The following NAALADL2 variants were observed in gnomAD, a reference collection of about 807,000 sequenced individuals.
NAALADL2 encodes the protein inactive N-acetylated-alpha-linked acidic dipeptidase-like protein 2.
In NAALADL2, 76 loss-of-function variants were observed where a neutral mutation model predicts 87.2. That is an observed-to-expected ratio of 0.87 (90% CI 0.72 to 1.05). The LOEUF is 1.05. Ranked by LOEUF, NAALADL2 falls within the 50% of genes least tolerant of loss-of-function variation. NAALADL2 has a pLI of 0.00. For missense variants in NAALADL2, 1,089 were observed against 945.8 expected (o/e 1.15, Z -1.99); for synonymous variants, 354 against 331.0 (o/e 1.07, Z -0.75).
chr3:174,489,222 A>G (rs951272368), intron 1 of NAALADL2, among the ~76,000 whole-genome samples: 3 of 152,028 alleles, frequency 2.0e-5, no homozygotes, highest in African/African-American at 4.8e-5. Flanking sequence ...AATGGTGCCA[A>G]AACAATTTAA....
intron 1 of NAALADL2, among the ~76,000 whole-genome samples, chr3:175,058,526 G>T (rs532238254): frequency 6.6e-6 from 1 of 152,216 alleles, no homozygotes; most frequent in Non-Finnish European, 1.5e-5. Context: ...CATCCATGAG[G>T]TGTCATAATT....
chr3:174,662,642 A>G (rs996951152), intron 2 of NAALADL2, among the ~76,000 whole-genome samples: 3 of 152,216 alleles, frequency 2.0e-5, no homozygotes, highest in Non-Finnish European at 4.4e-5. Context: ...CTTTGACGTG[A>G]TGAGATGGTC....
At chr3:174,975,666 T>G (rs1744271996) in intron 1 of NAALADL2, among the ~76,000 whole-genome samples, 1 of 152,076 alleles carries the variant, frequency 6.6e-6, no homozygotes, top group Non-Finnish European at 1.5e-5. Flanking sequence ...TGTGATTGTA[T>G]TATATTACCT....
At chr3:175,034,129 C>G (rs183446059) in intron 1 of NAALADL2, among the ~76,000 whole-genome samples, 1 of 152,044 alleles carries the variant, frequency 6.6e-6, no homozygotes, top group Admixed American at 6.5e-5. Context: ...TTTTCCTTTT[C>G]AAGTATGTTT....
chr3:174,980,648 T>C (rs1452491542), intron 1 of NAALADL2, among the ~76,000 whole-genome samples: 2 of 152,192 alleles, frequency 1.3e-5, no homozygotes, highest in Admixed American at 1.3e-4. Flanking sequence ...TACTAATTAA[T>C]GTTTATGCTA....
At chr3:175,692,173 A>AC (rs1737135966) in intron 11 of NAALADL2, among the ~76,000 whole-genome samples, 1 of 151,790 alleles carries the variant, frequency 6.6e-6, no homozygotes, top group Admixed American at 6.6e-5. Context: ...TCTGGGACTT[A>AC]CCTATGTTCA....
intron 4 of NAALADL2, among the ~76,000 whole-genome samples, chr3:175,276,327 G>T (rs530664372): frequency 1.5e-5 from 2 of 132,340 alleles, no homozygotes; most frequent in South Asian, 2.3e-4. Flanking sequence ...TTGAGACGAA[G>T]CCTCGCTCTG....
intron 1 of NAALADL2, among the ~76,000 whole-genome samples, chr3:174,987,668 C>T (rs1177986286): frequency 6.8e-6 from 1 of 146,276 alleles, no homozygotes; most frequent in African/African-American, 2.5e-5. Context: ...CACTCTGTCA[C>T]CAGTCTGGAG....
At chr3:175,627,459 C>T (rs1303355228) in intron 11 of NAALADL2, 73 bp downstream of exon 11, 1 of 928,846 alleles carries the variant, frequency 1.1e-6, no homozygotes, top group Non-Finnish European at 1.6e-6. Flanking sequence ...AGCAAAGGAA[C>T]ATAACCAATC....
chr3:175,116,169 G>T (rs1047814745), intron 2 of NAALADL2, among the ~76,000 whole-genome samples: 1 of 152,012 alleles, frequency 6.6e-6, no homozygotes, highest in Admixed American at 6.6e-5. Flanking sequence ...TTGAAAACTG[G>T]CACAAGACAG....
chr3:175,802,972 T>G, intron 13 of NAALADL2, 33 bp from the exon 14 acceptor site: 1 of 1,446,188 alleles, frequency 6.9e-7, no homozygotes, highest in Non-Finnish European at 9.7e-7. Context: ...GCATTGTGCA[T>G]GAAACATTTA....
chr3:175,028,954 GTAAAC>G (rs1474273553), intron 1 of NAALADL2, among the ~76,000 whole-genome samples: 1 of 151,024 alleles, frequency 6.6e-6, no homozygotes, highest in Admixed American at 6.6e-5. Flanking sequence ...TTTTAGTAGT[GTAAAC>G]TATAGTGTTG....
chr3:174,811,126 G>A (rs1422085096), intron 3 of NAALADL2, among the ~76,000 whole-genome samples: 1 of 152,180 alleles, frequency 6.6e-6, no homozygotes, highest in Non-Finnish European at 1.5e-5. Flanking sequence ...GCAGAAACTG[G>A]CTTCAGGGGC....
intron 1 of NAALADL2, among the ~76,000 whole-genome samples, chr3:174,460,142 A>C (rs1000035233): frequency 2.0e-5 from 3 of 152,114 alleles, no homozygotes; most frequent in African/African-American, 7.2e-5. Flanking sequence ...ATTTTTTAGC[A>C]ATCTACTTCT....
chr3:175,391,531 C>G (rs963966152), intron 5 of NAALADL2, among the ~76,000 whole-genome samples: 2 of 152,082 alleles, frequency 1.3e-5, no homozygotes, highest in Non-Finnish European at 2.9e-5. Context: ...GAAGTAAGGC[C>G]GTCAGTCTGA....
rs191482965 is a variant in NAALADL2, at chr3:175,778,376, C to G, written c.2189+22958C>G. Among the ~76,000 whole-genome samples, 18 of 152,310 alleles carry G rather than the reference C, an allele frequency of 1.2e-4. No homozygotes were observed. In the East Asian group the frequency reaches 3.5e-3, roughly 29 times the overall value. ...GACAGCTAGTTTATTTGTATAGACT[C>G]TTACAAGGCATGATATGTACTTGGC... is the stretch of plus-strand genomic sequence containing the variant. On this transcript the variant is annotated intron_variant, in intron 13 of 13. Coordinates refer to ENST00000454872, the MANE Select transcript of NAALADL2 (RefSeq NM_207015.3).
At chr3:174,723,069 A>T (rs1731854096) in intron 2 of NAALADL2, among the ~76,000 whole-genome samples, 1 of 152,104 alleles carries the variant, frequency 6.6e-6, no homozygotes, top group South Asian at 2.1e-4. Context: ...TAAAAAATAA[A>T]TTCCATATTG....
chr3:174,473,123 C>A (rs185179040), intron 1 of NAALADL2, among the ~76,000 whole-genome samples: 42 of 152,264 alleles, frequency 2.8e-4, no homozygotes, highest in Admixed American at 4.6e-4. Flanking sequence ...TGAAAATCTT[C>A]AAACCAAAAT....
At chr3:175,305,847 T>G (rs569501663) in intron 4 of NAALADL2, among the ~76,000 whole-genome samples, 1 of 152,310 alleles carries the variant, frequency 6.6e-6, no homozygotes, top group South Asian at 2.1e-4. Flanking sequence ...TGTTTATTCA[T>G]TACATAATAT....
Sources: gnomAD v4.1 joint callset for allele counts (sites outside exome capture counted in the v4.1 genomes callset) on GRCh38, gnomAD v4.1.1 for gene constraint, MANE v1.5 for transcripts, NCBI Gene and HGNC (gene_info 2026-07-23, HGNC 2026-07-21) for gene names.